The following POLDIP2 variants were observed in gnomAD, a reference collection of about 807,000 sequenced individuals.
POLDIP2 encodes the protein DNA polymerase delta interacting protein 2.
A neutral mutation model predicts 52.9 loss-of-function variants in POLDIP2; 32 were observed. The observed-to-expected ratio is 0.61, with a 90% confidence interval of 0.46 to 0.81. POLDIP2 has a LOEUF of 0.81. POLDIP2 is among the 40% of genes least tolerant of loss of function. The pLI, the probability that POLDIP2 is intolerant of heterozygous loss-of-function variation, is 0.00. For synonymous variants in POLDIP2, 183 were observed against 183.0 expected (o/e 1.00, Z 0.00); for missense variants, 371 against 477.3 (o/e 0.78, Z 2.07).
At chr17:28,350,742 C>G (rs1567791477) in intron 8 of POLDIP2, 24 bp downstream of exon 8, 2 of 1,596,622 alleles carry the variant, frequency 1.3e-6, no homozygotes, top group Non-Finnish European at 8.5e-7. Flanking sequence ...ACAAGCTCCC[C>G]TTCTCCCAGA....
At position 28,347,264 on chromosome 17, in the gene POLDIP2, GA is replaced by G. The variant is rs1201515847; in HGVS notation, c.*852del. 6.6e-6 allele frequency: 1 copy of G among 152,222 alleles called. No individual in the cohort carries two copies. Among genetic ancestry groups the G allele is most frequent in the African/African-American group, 2.4e-5 (1 of 41,456 alleles). The allele number at this position is 152,222 out of a possible 1,614,324, so 9.4% of individuals were successfully genotyped here. ...AGTGGCGGAGGAAAAGAAATCCTAA[GA>G]ATTGGGGCAAGATGCAGCACAATTC... On this transcript the variant is annotated 3_prime_UTR_variant, in exon 11 of 11. Coordinates refer to ENST00000540200, the MANE Select transcript of POLDIP2 (RefSeq NM_015584.5).
intron 9 of POLDIP2, 134 bp from the exon 10 acceptor site, chr17:28,349,296 C>CA (rs1215009754): frequency 4.8e-6 from 3 of 620,592 alleles, no homozygotes; most frequent in Non-Finnish European, 8.7e-6. Context: ...CAGGCACTCC[C>CA]ATAGCATGAT....
In POLDIP2 at chr17:28,352,424, A is replaced by G. The variant is rs141971195; in HGVS notation, c.622+488T>C. Among the ~76,000 whole-genome samples, 956 of 150,620 alleles carry G rather than the reference A, an allele frequency of 6.3e-3. 12 individuals carry two copies. Among genetic ancestry groups the G allele is most frequent in the African/African-American group, 0.022 (913 of 40,964 alleles). On this transcript the variant is annotated intron_variant, in intron 6 of 10. Transcript: ENST00000540200. ...AGCTAATTTTTATATTTTTAGTAGA[A>G]ACAGGGTTTCACCACATTGGCCACG...
Position 28,354,486 on chromosome 17 carries a change from AC to A in POLDIP2, c.341+1del. 1 of 1,549,884 alleles carries A rather than the reference AC, an allele frequency of 6.5e-7. No homozygotes were observed. The highest frequency in any genetic ancestry group is 8.7e-7 in the Non-Finnish European group (1 of 1,144,886). On this transcript the variant is annotated splice_donor_variant, in intron 3 of 10. Coordinates refer to ENST00000540200, the MANE Select transcript of POLDIP2 (RefSeq NM_015584.5). LOFTEE classifies it high-confidence loss of function. ...GTGAGGCACAACCACAGGGAAACTTACTTTTCTGGAGCTGCAGAAGCCACAT... is the reference window on the plus strand; with the variant it reads ...GTGAGGCACAACCACAGGGAAACTTATTTTCTGGAGCTGCAGAAGCCACAT...
At chr17:28,355,229 T>C (rs1907967777) in intron 2 of POLDIP2, among the ~76,000 whole-genome samples, 1 of 152,204 alleles carries the variant, frequency 6.6e-6, no homozygotes, top group Non-Finnish European at 1.5e-5. Context: ...GTCCACACCA[T>C]CCCTGTCCAC....
intron 1 of POLDIP2, 134 bp from the exon 2 acceptor site, chr17:28,356,010 C>A: frequency 1.5e-6 from 1 of 662,482 alleles, no homozygotes; most frequent in Admixed American, 2.4e-5. Flanking sequence ...GTGGGACCAG[C>A]TGGAGCAGGA....
At chr17:28,353,411 A>G (rs1233163405) in intron 4 of POLDIP2, 95 bp from the exon 5 acceptor site, 1 of 710,656 alleles carries the variant, frequency 1.4e-6, no homozygotes, top group African/African-American at 1.8e-5. Context: ...AATCCCAGCT[A>G]CTCGGGTGGC....
Position 28,354,598 on chromosome 17 carries a change from A to C in POLDIP2, c.244-13T>G, listed in dbSNP as rs1033054851. 6.5e-7 allele frequency: 1 copy of C among 1,534,770 alleles called. No individual in the cohort carries two copies. The highest frequency in any genetic ancestry group is 2.0e-5 in the Admixed American group (1 of 51,044). On this transcript the variant is annotated splice_polypyrimidine_tract_variant and intron_variant, in intron 2 of 10. Transcript: ENST00000540200. The stretch of plus-strand genomic sequence containing the variant: ...TATGAAGGAAAAGCTGGAAGGAAAG[A>C]GGGGCCTCAGTGAGTCTGCAGTCCA...
At position 28,350,527 on chromosome 17, in the gene POLDIP2, C is replaced by G. The variant is rs1460185261; in HGVS notation, c.823G>C (p.Asp275His). 2 of 1,613,726 alleles carry G rather than the reference C, an allele frequency of 1.2e-6. No individual in the cohort carries two copies. The highest frequency in any genetic ancestry group is 1.7e-6 in the Non-Finnish European group (2 of 1,179,812). Reference protein sequence around the residue: ...YCIRLENLDSDVVQLRERHWR... With the variant: ...YCIRLENLDSHVVQLRERHWR... ...TGCCGCTCCCGGAGCTGTACCACAT[C>G]ACTGTCAAGGTTCTCCAAACGGATA... Residue 275 changes from aspartate (D) to histidine (H), a missense_variant, in exon 9 of 11, where the codon GAT (aspartate) becomes CAT (histidine). Asp to His is a moderately conservative substitution (Grantham distance 81). Transcript: ENST00000540200.
At position 28,357,475 on chromosome 17, in the gene POLDIP2, C is replaced by T. The variant is rs1346338562; in HGVS notation, c.-27G>A. The T allele has an allele frequency of 7.0e-7, 1 of 1,429,366 alleles. No individual in the cohort carries two copies. The highest frequency in any genetic ancestry group is 9.1e-7 in the Non-Finnish European group (1 of 1,104,816). 88.5% of individuals were successfully genotyped at this position (1,429,366 alleles called of 1,614,324 possible). On this transcript the variant is annotated 5_prime_UTR_variant, in exon 1 of 11. Transcript: ENST00000540200. ...TCCCGCCCGAGCGCCCGCCCGGCTG[C>T]TGACACAGAGCCCGACCCGCGGCCG...
chr17:28,350,658 C>T lies in POLDIP2; in HGVS notation c.787-95G>A, dbSNP rs563326506. The T allele has an allele frequency of 1.7e-5, 26 of 1,556,260 alleles. 1 individual carries two copies. The South Asian group carries it at 2.7e-4, about 16-fold the overall frequency. ...AAAGCAAAAGTCAACAAAGCTGACA[C>T]ATGCACTGCACAGGTTCCGCTCTCG... On this transcript the variant is annotated intron_variant, in intron 8 of 10. Transcript: ENST00000540200.
At chr17:28,351,541 C>T (rs918771924) in intron 7 of POLDIP2, 123 bp downstream of exon 7, 5 of 943,208 alleles carry the variant, frequency 5.3e-6, no homozygotes, top group Non-Finnish European at 8.0e-6. Flanking sequence ...CATGCCACCA[C>T]TTGGAAGCAG....
chr17:28,354,753 T>C lies in POLDIP2; in HGVS notation c.244-168A>G, dbSNP rs141162553. Among the ~76,000 whole-genome samples the C allele has an allele frequency of 4.9e-4, 74 of 152,330 alleles. No homozygotes were observed. The East Asian group carries it at 0.014, about 29-fold the overall frequency. ...CCAATGCTGGAACACTCTTATTTCT[T>C]CTTTACCTGGCTGACTCTACTCATC... is the stretch of plus-strand genomic sequence containing the variant. On this transcript the variant is annotated intron_variant, in intron 2 of 10. Transcript: ENST00000540200.
chr17:28,357,395 G>C lies in POLDIP2; in HGVS notation c.54C>G (p.Ser18=), dbSNP rs782712427. The change falls in exon 1 of 11, where the codon TCC becomes TCG. Residue 18 remains serine, a synonymous_variant. Transcript: ENST00000540200. The stretch of plus-strand genomic sequence containing the variant: ...GCCACCGGGCCCCAGTCAGCGACCG[G>C]GACCACCAGCGGCTGCCCACGGCCA... ...RALAVGSRWW[S]RSLTGARWPR... 7.9e-6 allele frequency: 12 copies of C among 1,527,006 alleles called. No individual in the cohort carries two copies. The highest frequency in any genetic ancestry group is 1.0e-5 in the Non-Finnish European group (12 of 1,147,506). The allele number at this position is 1,527,006 out of a possible 1,614,324, so 94.6% of individuals were successfully genotyped here.
intron 7 of POLDIP2, among the ~76,000 whole-genome samples, 180 bp from the exon 8 acceptor site, chr17:28,350,972 C>T (rs1005599175): frequency 6.6e-6 from 1 of 152,144 alleles, no homozygotes; most frequent in Non-Finnish European, 1.5e-5. Flanking sequence ...GAGGCAACAT[C>T]CCTGTATCCA....
intron 3 of POLDIP2, 124 bp downstream of exon 3, chr17:28,354,364 A>T: frequency 2.9e-6 from 2 of 693,896 alleles, no homozygotes; most frequent in Non-Finnish European, 5.1e-6. Flanking sequence ...TTAGTCCCAG[A>T]GAAGTACTCT....
At chr17:28,353,531 A>AAAAAAAAAAAAAAAAAAAAAAAG (rs1555580432) in intron 4 of POLDIP2, among the ~76,000 whole-genome samples, 164 bp downstream of exon 4, 1 of 146,280 alleles carries the variant, frequency 6.8e-6, no homozygotes, top group Non-Finnish European at 1.5e-5. Flanking sequence ...AAAAAAAAAA[A>AAAAAAAAAAAAAAAAAAAAAAAG]AAAAGACGTG....
chr17:28,351,939 T>C (rs1555580052), intron 6 of POLDIP2, 139 bp from the exon 7 acceptor site: 1 of 705,400 alleles, frequency 1.4e-6, no homozygotes, highest in Non-Finnish European at 2.5e-6. Context: ...AAGGTGCTCA[T>C]ACATGAAGCA....
At chr17:28,356,078 G>A (rs186873945) in intron 1 of POLDIP2, among the ~76,000 whole-genome samples, 21 of 151,034 alleles carry the variant, frequency 1.4e-4, no homozygotes, top group Admixed American at 5.3e-4. Context: ...AGATGTGACC[G>A]CTCCCATACT....
Sources: gnomAD v4.1 joint callset for allele counts (sites outside exome capture counted in the v4.1 genomes callset) on GRCh38, gnomAD v4.1.1 for gene constraint, MANE v1.5 for transcripts, NCBI Gene and HGNC (gene_info 2026-07-23, HGNC 2026-07-21) for gene names.